Variants in GABRB3 observed in about 807,000 individuals in gnomAD.
GABRB3 encodes the protein gamma-aminobutyric acid receptor subunit beta-3.
A neutral mutation model predicts 52.1 loss-of-function variants in GABRB3; 14 were observed. The observed-to-expected ratio is 0.27, with a 90% CI of 0.18 to 0.42. GABRB3 has a LOEUF of 0.42. Among genes scored for constraint, GABRB3 ranks in the 10% least tolerant of loss-of-function variants. GABRB3 has a pLI of 1.00. For missense variants in GABRB3, 307 were observed against 609.1 expected (o/e 0.50, Z 5.22); for synonymous variants, 260 against 232.3 (o/e 1.12, Z -1.08).
chr15:26,670,682 T>C (rs1887872198), intron 3 of GABRB3, among the ~76,000 whole-genome samples: 1 of 152,164 alleles, frequency 6.6e-6, no homozygotes, highest in Non-Finnish European at 1.5e-5. Context: ...CTACTGACAC[T>C]GAGAAAATTA....
In GABRB3 at chr15:26,604,215, T is replaced by C. The variant is rs141684032; in HGVS notation, c.461+17099A>G. 1.9e-3 allele frequency among the ~76,000 whole-genome samples: 295 copies of C among 152,070 alleles called. 5 individuals carry two copies. In the East Asian group the frequency reaches 0.036, roughly 18 times the overall value. On this transcript the variant is annotated intron_variant, in intron 4 of 8. Coordinates refer to ENST00000311550, the MANE Select transcript of GABRB3 (RefSeq NM_000814.6). ...CTATGAATTACCTTAATCAAAGAAA[T>C]GAAAGATCTCTGCAATGAAAATTAT...
rs1460776902 is a variant in GABRB3 at position 26,546,304 on chromosome 15, T to TC, written c.*1488dup. 6.6e-6 allele frequency: 1 copy of TC among 152,594 alleles called. No homozygotes were observed. The highest frequency in any genetic ancestry group is 2.4e-5 in the African/African-American group (1 of 41,426). The allele number at this position is 152,594 out of a possible 1,614,324, so 9.5% of individuals were successfully genotyped here. On this transcript the variant is annotated 3_prime_UTR_variant, in exon 9 of 9. Coordinates refer to ENST00000311550, the MANE Select transcript of GABRB3 (RefSeq NM_000814.6). ...TATTGTTTACAAAAAATATATCATC[T>TC]CTTTTTTTTTTCTTTAGAAAGATCT...
At chr15:26,678,295 G>A (rs1371405349) in intron 3 of GABRB3, among the ~76,000 whole-genome samples, 2 of 152,188 alleles carry the variant, frequency 1.3e-5, no homozygotes, top group Non-Finnish European at 2.9e-5. Flanking sequence ...TTAGGCTGCT[G>A]ACAATTTCTT....
At chr15:26,731,571 T>C (rs1010214218) in intron 3 of GABRB3, among the ~76,000 whole-genome samples, 1 of 152,060 alleles carries the variant, frequency 6.6e-6, no homozygotes, top group Non-Finnish European at 1.5e-5. Context: ...CTATTTTTGC[T>C]CCCTCCTTTG....
At chr15:26,548,214 T>C in intron 8 of GABRB3, 80 bp from the exon 9 acceptor site, 1 of 1,058,122 alleles carries the variant, frequency 9.5e-7, no homozygotes, top group Admixed American at 1.7e-5. Context: ...AATGATGTCA[T>C]GCCATCACAT....
chr15:26,627,163 G>T (rs955272034), intron 3 of GABRB3, among the ~76,000 whole-genome samples: 1 of 151,782 alleles, frequency 6.6e-6, no homozygotes, highest in African/African-American at 2.4e-5. Context: ...GTGTCAACAC[G>T]TTTACAAAAC....
intron 4 of GABRB3, among the ~76,000 whole-genome samples, chr15:26,606,789 T>TATCGATAGATATATCGATAG (rs145598967): frequency 3.3e-5 from 4 of 122,872 alleles, no homozygotes; most frequent in South Asian, 5.2e-4. Flanking sequence ...TAGATATATC[T>TATCGATAGATATATCGATAG]ATAGATAGAT....
At chr15:26,578,626 A>T (rs1890677688) in intron 6 of GABRB3, among the ~76,000 whole-genome samples, 2 of 152,146 alleles carry the variant, frequency 1.3e-5, no homozygotes, top group Non-Finnish European at 2.9e-5. Context: ...CAAACACCTC[A>T]CCTGGCTTTC....
chr15:26,767,009 G>A (rs773953766), intron 3 of GABRB3: 2 of 152,176 alleles, frequency 1.3e-5, no homozygotes, highest in Admixed American at 6.5e-5. Flanking sequence ...ACTAAAGAGC[G>A]TATTATATAA....
At chr15:26,580,209 C>T (rs781485520) in intron 6 of GABRB3, 110 bp downstream of exon 6, 156 of 1,312,308 alleles carry the variant, frequency 1.2e-4, no homozygotes, top group Non-Finnish European at 1.7e-4. Flanking sequence ...GATAACAGCA[C>T]TCCTTCCGAT....
At chr15:26,624,170 C>T in intron 3 of GABRB3, 2 of 983,564 alleles carry the variant, frequency 2.0e-6, no homozygotes. Context: ...TGAGAATGCA[C>T]CTTCACAGGG....
intron 4 of GABRB3, among the ~76,000 whole-genome samples, chr15:26,586,424 A>ACACACACACACACACG (rs1242280019): frequency 3.3e-5 from 5 of 151,312 alleles, no homozygotes; most frequent in South Asian, 2.1e-4. Flanking sequence ...ACACACACAC[A>ACACACACACACACACG]CGCATACATA....
intron 3 of GABRB3, among the ~76,000 whole-genome samples, chr15:26,738,252 T>C (rs1890116234): frequency 6.6e-6 from 1 of 152,026 alleles, no homozygotes; most frequent in South Asian, 2.1e-4. Flanking sequence ...CTGGCTAATA[T>C]TTGTATTTTT....
At chr15:26,675,698 G>A (rs992177332) in intron 3 of GABRB3, among the ~76,000 whole-genome samples, 2 of 152,126 alleles carry the variant, frequency 1.3e-5, no homozygotes, top group African/African-American at 4.8e-5. Flanking sequence ...TATGTTGGAG[G>A]TGGGGGGAGG....
intron 3 of GABRB3, among the ~76,000 whole-genome samples, chr15:26,674,351 A>C (rs1887991943): frequency 7.0e-6 from 1 of 142,692 alleles, no homozygotes; most frequent in Admixed American, 7.4e-5. Flanking sequence ...CAGTGAGCCG[A>C]GATCACGCCA....
intron 3 of GABRB3, among the ~76,000 whole-genome samples, chr15:26,738,108 G>C (rs1416664857): frequency 6.6e-6 from 1 of 151,438 alleles, no homozygotes; most frequent in African/African-American, 2.4e-5. Context: ...TTTGTTTTTT[G>C]AGATGGAGTT....
intron 4 of GABRB3, among the ~76,000 whole-genome samples, chr15:26,592,752 C>T (rs766001249): frequency 5.3e-5 from 8 of 152,138 alleles, no homozygotes; most frequent in Non-Finnish European, 2.9e-5. Context: ...TATTAAAATT[C>T]GGATTCTGTC....
chr15:26,575,792 C>G (rs1457174616), intron 6 of GABRB3, among the ~76,000 whole-genome samples: 1 of 152,064 alleles, frequency 6.6e-6, no homozygotes, highest in East Asian at 1.9e-4. Flanking sequence ...CATTTTGCAC[C>G]CTTCTCTTTT....
chr15:26,568,611 C>T (rs1890271785), intron 6 of GABRB3, among the ~76,000 whole-genome samples: 1 of 150,604 alleles, frequency 6.6e-6, no homozygotes, highest in Admixed American at 6.6e-5. Context: ...GATTCTCTTG[C>T]CTCAGCCTCC....
Sources: gnomAD v4.1 joint callset for allele counts (sites outside exome capture counted in the v4.1 genomes callset) on GRCh38, gnomAD v4.1.1 for gene constraint, MANE v1.5 for transcripts, NCBI Gene and HGNC (gene_info 2026-07-23, HGNC 2026-07-21) for gene names.